NUP188: variants seen among roughly 807,000 people sequenced by gnomAD.
The protein encoded by NUP188 is nucleoporin NUP188.
A neutral mutation model predicts 223.0 loss-of-function variants in NUP188; 97 were observed. The observed-to-expected ratio is 0.43, with a 90% CI of 0.37 to 0.51. The LOEUF is 0.51. Ranked by LOEUF, NUP188 falls within the 20% of genes least tolerant of loss-of-function variation. The pLI is 0.00. For synonymous variants in NUP188, 869 were observed against 828.0 expected, an observed-to-expected ratio of 1.05 and a Z score of -0.85; for missense variants, 1,947 against 2,175.6, an observed-to-expected ratio of 0.89 and a Z score of 2.09.
chr9:128,959,293 C>T (rs1476173057), intron 8 of NUP188, among the ~76,000 whole-genome samples, 159 bp downstream of exon 8: 6 of 151,942 alleles, frequency 3.9e-5, no homozygotes, highest in Admixed American at 1.3e-4. Context: ...AGGCACCCGT[C>T]GTCACGCCCA....
chr9:128,997,564 A>G (rs551500539), intron 30 of NUP188, among the ~76,000 whole-genome samples: 10 of 152,194 alleles, frequency 6.6e-5, no homozygotes, highest in African/African-American at 2.2e-4. Context: ...ATCATGGCTC[A>G]CTGCAGCCTC....
chr9:128,994,164 C>T (rs1842478049), intron 27 of NUP188, among the ~76,000 whole-genome samples: 1 of 152,100 alleles, frequency 6.6e-6, no homozygotes, highest in South Asian at 2.1e-4. Flanking sequence ...TATTGATCAA[C>T]TCTATAATGC....
chr9:128,955,980 T>C (rs533281297), intron 3 of NUP188, among the ~76,000 whole-genome samples: 1 of 63,272 alleles, frequency 1.6e-5, no homozygotes, highest in Admixed American at 1.6e-4. Context: ...TTTGGTAAGT[T>C]ATTTACCCTA....
At chr9:128,979,361 A>G (rs1421008290) in intron 13 of NUP188, 34 bp downstream of exon 13, 1 of 1,493,998 alleles carries the variant, frequency 6.7e-7, no homozygotes, top group Non-Finnish European at 9.3e-7. Context: ...TGCATAGCAA[A>G]AGAATTGTTC....
At position 128,965,681 on chromosome 9, in the gene NUP188, G is replaced by T. The variant is rs371837996; in HGVS notation, c.586-2825G>T. Among the ~76,000 whole-genome samples, 93 of 152,108 alleles carry T rather than the reference G, an allele frequency of 6.1e-4. 1 individual carries two copies. The South Asian group carries it at 0.019, about 32-fold the overall frequency. Reference sequence around the variant, plus strand: ...TTGCCCAGGGTGGTCTCGAACTCCTGAGCTCAGGTGATCCGGCCCCCTCAG... The same window carrying T: ...TTGCCCAGGGTGGTCTCGAACTCCTTAGCTCAGGTGATCCGGCCCCCTCAG... On this transcript the variant is annotated intron_variant, in intron 8 of 43. Coordinates refer to ENST00000372577, the MANE Select transcript of NUP188 (RefSeq NM_015354.3).
chr9:128,962,431 A>G (rs1011350287), intron 8 of NUP188, among the ~76,000 whole-genome samples: 6 of 151,866 alleles, frequency 4.0e-5, no homozygotes, highest in African/African-American at 9.7e-5. Flanking sequence ...TTGTATTTTT[A>G]GTAGAGACAG....
chr9:128,986,539 A>T lies in NUP188; in HGVS notation c.2077-19A>T. On this transcript the variant is annotated intron_variant, in intron 20 of 43. Coordinates refer to ENST00000372577, the MANE Select transcript of NUP188 (RefSeq NM_015354.3). ...TTTCCTTAAATGTGCGGAAGTCCTC[A>T]CTGCATGGTTTCTTGTAGGGGCAAC... is the stretch of plus-strand genomic sequence containing the variant. 6.2e-7 allele frequency: 1 copy of T among 1,608,390 alleles called. No individual in the cohort carries two copies. Among genetic ancestry groups the T allele is most frequent in the South Asian group, 1.1e-5 (1 of 90,184 alleles).
chr9:128,990,847 A>G (rs1026206653), intron 25 of NUP188, among the ~76,000 whole-genome samples: 25 of 152,172 alleles, frequency 1.6e-4, no homozygotes, highest in Admixed American at 1.5e-3. Context: ...CCTGGGTGAC[A>G]GAGCAAGACT....
chr9:129,004,042 T>A (rs1356935117), intron 38 of NUP188: 1 of 169,148 alleles, frequency 5.9e-6, no homozygotes, highest in East Asian at 1.9e-4. Context: ...CTTTGGGAAT[T>A]CAAGGCGGGA....
rs193251498 is a variant in NUP188, at chr9:128,979,188, A to G, written c.1204-74A>G. 55 of 1,135,628 alleles carry G rather than the reference A, an allele frequency of 4.8e-5. No individual in the cohort carries two copies. In the East Asian group the frequency reaches 1.2e-3, roughly 25 times the overall value. The allele number at this position is 1,135,628 out of a possible 1,614,324, so 70.3% of individuals were successfully genotyped here. ...ATTGGTGTTTTGGTGTTTTTATTTC[A>G]ACAGAATACAATAATAAAGATAGAC... On this transcript the variant is annotated intron_variant, in intron 12 of 43. Coordinates refer to ENST00000372577, the MANE Select transcript of NUP188 (RefSeq NM_015354.3).
rs776811013 is a variant in NUP188 at position 128,968,673 on chromosome 9, G to C, written c.753G>C (p.Arg251Ser). The change falls in exon 9 of 44, where the codon AGG (arginine) becomes AGC (serine). Residue 251 changes from arginine to serine, a missense_variant. By Grantham distance (110) the Arg-to-Ser change is moderately radical. Coordinates refer to ENST00000372577, the MANE Select transcript of NUP188 (RefSeq NM_015354.3). ...EQGFGSRQTN[R>S]HLVDETMDPF... is the part of the protein sequence containing the mutation. ...GATTTGGTAGTAGGCAGACCAATAG[G>C]CACCTGGTGGATGAGACTATGGATC... 1 of 1,614,120 alleles carries C rather than the reference G, an allele frequency of 6.2e-7. No individual in the cohort carries two copies. Among genetic ancestry groups the C allele is most frequent in the East Asian group, 2.2e-5 (1 of 44,886 alleles).
rs112594279 is a variant in NUP188 at position 128,949,234 on chromosome 9, G to C, written c.78G>C (p.Leu26=). 6.2e-7 allele frequency: 1 copy of C among 1,610,818 alleles called. No individual in the cohort carries two copies. Among genetic ancestry groups the C allele is most frequent in the African/African-American group, 1.3e-5 (1 of 74,962 alleles). The part of the protein sequence containing the change: ...LWTILLGRSA[L]RELSQIEAEL... ...CTATTCTGCTTGGAAGGTCAGCTCT[G>C]AGAGAGCTGGTAAGTGGTGGTGTTC... The change falls in exon 2 of 44, where the codon CTG becomes CTC. Residue 26 remains leucine, a synonymous_variant. Transcript: ENST00000372577.
chr9:128,988,719 A>ATTTTT (rs528821221), intron 24 of NUP188, among the ~76,000 whole-genome samples: 4 of 72,858 alleles, frequency 5.5e-5, no homozygotes, highest in Non-Finnish European at 7.8e-5. Flanking sequence ...TAATTTTTTA[A>ATTTTT]TTTTTTTTTT....
Position 128,995,522 on chromosome 9 carries a change from C to T in NUP188, c.3351+8C>T, listed in dbSNP as rs1396266442. 2 of 1,564,412 alleles carry T rather than the reference C, an allele frequency of 1.3e-6. No individual in the cohort carries two copies. Among genetic ancestry groups the T allele is most frequent in the African/African-American group, 2.7e-5 (2 of 73,042 alleles). On this transcript the variant is annotated splice_region_variant and intron_variant, in intron 30 of 43. Transcript: ENST00000372577. ...ATCATTGCCACCACTCATGTAAGAC[C>T]CTTTTGGGGAGAGTTTTCACTTTGG... is the stretch of plus-strand genomic sequence containing the variant.
intron 38 of NUP188, chr9:129,004,026 C>G (rs1228422079): frequency 1.1e-5 from 2 of 178,472 alleles, no homozygotes; most frequent in Non-Finnish European, 2.3e-5. Flanking sequence ...GCCTGTAATC[C>G]CAGCACTTTG....
chr9:129,006,379 A>G lies in NUP188; in HGVS notation c.5073+11A>G, dbSNP rs540096501. The G allele has an allele frequency of 6.2e-7, 1 of 1,614,178 alleles. No homozygotes were observed. Among genetic ancestry groups the G allele is most frequent in the South Asian group, 1.1e-5 (1 of 91,076 alleles). On this transcript the variant is annotated intron_variant, in intron 43 of 43. Transcript: ENST00000372577. ...CTCAGCTCTGAGTTGGTACGGATGG[A>G]TAGGGATACGGAGGGCTGGACCAAT...
At chr9:128,990,377 C>T (rs1588285733) in intron 25 of NUP188, 151 bp downstream of exon 25, 6 of 694,580 alleles carry the variant, frequency 8.6e-6, no homozygotes, top group South Asian at 1.6e-5. Flanking sequence ...ATCATTTGAG[C>T]CCAGGAGTTC....
At chr9:129,005,895 T>G in intron 41 of NUP188, 119 bp downstream of exon 41, 2 of 1,434,152 alleles carry the variant, frequency 1.4e-6, no homozygotes, top group Non-Finnish European at 1.9e-6. Flanking sequence ...TGCTCCTCTC[T>G]GTAAACTGAA....
chr9:128,990,709 C>T (rs1364767932), intron 25 of NUP188, among the ~76,000 whole-genome samples: 1 of 152,194 alleles, frequency 6.6e-6, no homozygotes, highest in Non-Finnish European at 1.5e-5. Flanking sequence ...CTGAAAAATA[C>T]AAAAAATTAG....
Sources: allele counts gnomAD v4.1 joint callset (sites outside exome capture counted in the v4.1 genomes callset), GRCh38; gene constraint gnomAD v4.1.1; transcripts MANE v1.5; gene names NCBI Gene and HGNC (gene_info 2026-07-23, HGNC 2026-07-21).